LARGE1: variants seen among roughly 807,000 people sequenced by gnomAD.
The protein encoded by LARGE1 is LARGE xylosyl- and glucuronyltransferase 1.
A neutral mutation model predicts 87.6 loss-of-function variants in LARGE1; 43 were observed. The ratio of observed to expected loss-of-function variants is 0.49; its 90% CI spans 0.38 to 0.63. LARGE1 has a LOEUF of 0.63. LARGE1 is among the 30% of genes least tolerant of loss of function. LARGE1 has a pLI of 0.00. For missense variants in LARGE1, 802 were observed against 1,000.2 expected, an observed-to-expected ratio of 0.80 and a Z score of 2.67; for synonymous variants, 434 against 394.6, an observed-to-expected ratio of 1.10 and a Z score of -1.18.
intron 1 of LARGE1, among the ~76,000 whole-genome samples, chr22:33,884,724 C>T (rs1402205094): frequency 2.0e-5 from 3 of 152,222 alleles, no homozygotes; most frequent in Admixed American, 2.0e-4. Flanking sequence ...AAATCACCCT[C>T]TTAGTGGCAT....
At chr22:33,719,534 T>TA (rs397714782) in intron 2 of LARGE1, among the ~76,000 whole-genome samples, 37 of 145,968 alleles carry the variant, frequency 2.5e-4, no homozygotes, top group Admixed American at 7.6e-4. Flanking sequence ...TTTATTTATT[T>TA]TTTTGAGACA....
intron 2 of LARGE1, chr22:33,727,702 G>A (rs2083312659): frequency 6.6e-6 from 1 of 152,188 alleles, no homozygotes; most frequent in Non-Finnish European, 1.5e-5. Flanking sequence ...CAGAAAGTAA[G>A]ACCCAGAAGA....
chr22:33,067,340 G>A, the LARGE1 span, among the ~76,000 whole-genome samples: 1 of 151,970 alleles, frequency 6.6e-6, no homozygotes, highest in East Asian at 1.9e-4. Context: ...CGAGATAATG[G>A]CAAACATTTA....
rs111478303 is a variant in LARGE1, at chr22:33,368,402, C to T, written c.1131+13517G>A. ...TGCAAAAATTAGCCAGGCGTGGTGG[C>T]GGGCACCTGTAGTCCTAGCTACTTG... is the stretch of plus-strand genomic sequence containing the variant. On this transcript the variant is annotated intron_variant, in intron 9 of 14. Coordinates refer to ENST00000397394, the MANE Select transcript of LARGE1 (RefSeq NM_133642.5). Among the ~76,000 whole-genome samples, 57 of 151,884 alleles carry T rather than the reference C, an allele frequency of 3.8e-4. 1 individual carries two copies. Among genetic ancestry groups the T allele is most frequent in the South Asian group, 1.5e-3 (7 of 4,782 alleles).
At chr22:33,777,497 G>T (rs895377721) in intron 1 of LARGE1, among the ~76,000 whole-genome samples, 1 of 151,988 alleles carries the variant, frequency 6.6e-6, no homozygotes, top group African/African-American at 2.4e-5. Context: ...TTTTAAATTA[G>T]CCAGGTGTGG....
intron 9 of LARGE1, among the ~76,000 whole-genome samples, chr22:33,357,374 G>A (rs1940992723): frequency 6.6e-6 from 1 of 152,170 alleles, no homozygotes; most frequent in African/African-American, 2.4e-5. Flanking sequence ...GGAGAGGGGA[G>A]ATGGATGAGT....
chr22:33,067,854 C>T, the LARGE1 span, among the ~76,000 whole-genome samples: 1 of 152,030 alleles, frequency 6.6e-6, no homozygotes, highest in East Asian at 1.9e-4. Flanking sequence ...GTGGCGGGCA[C>T]CTGTGATCCC....
chr22:33,848,289 C>G (rs188634181), intron 1 of LARGE1, among the ~76,000 whole-genome samples: 153 of 152,284 alleles, frequency 1.0e-3, no homozygotes, highest in African/African-American at 3.5e-3. Flanking sequence ...GTCTTCCTCA[C>G]CAACAGGCTT....
chr22:33,375,717 C>A (rs773488547), intron 9 of LARGE1, among the ~76,000 whole-genome samples: 1 of 152,026 alleles, frequency 6.6e-6, no homozygotes, highest in Non-Finnish European at 1.5e-5. Context: ...TCTTATTAAC[C>A]TCAAGAAATT....
chr22:33,368,372 A>C (rs1376732674), intron 9 of LARGE1, among the ~76,000 whole-genome samples: 1 of 152,060 alleles, frequency 6.6e-6, no homozygotes, highest in Non-Finnish European at 1.5e-5. Flanking sequence ...CATCTCTACC[A>C]AAAATGCAAA....
chr22:33,887,805 A>G (rs1233055806), intron 1 of LARGE1, among the ~76,000 whole-genome samples: 4 of 152,212 alleles, frequency 2.6e-5, no homozygotes, highest in Non-Finnish European at 4.4e-5. Context: ...AGACTAGGAC[A>G]AGGTTCTCAT....
At chr22:33,529,614 C>T (rs2072096109) in intron 6 of LARGE1, among the ~76,000 whole-genome samples, 1 of 152,158 alleles carries the variant, frequency 6.6e-6, no homozygotes, top group African/African-American at 2.4e-5. Flanking sequence ...CCCATGCTGG[C>T]CATTATTTTC....
At chr22:33,391,839 G>A (rs554776632) in intron 7 of LARGE1, among the ~76,000 whole-genome samples, 1 of 142,988 alleles carries the variant, frequency 7.0e-6, no homozygotes, top group Admixed American at 7.5e-5. Flanking sequence ...GCGTGATCTC[G>A]GCTCACTGCA....
intron 1 of LARGE1, among the ~76,000 whole-genome samples, chr22:33,861,983 C>T (rs1450807408): frequency 6.6e-6 from 1 of 151,632 alleles, no homozygotes; most frequent in African/African-American, 2.4e-5. Flanking sequence ...CTCAGCCTCC[C>T]GAGTAGCTGG....
the LARGE1 span, among the ~76,000 whole-genome samples, chr22:33,104,945 T>TTTC: frequency 7.3e-6 from 1 of 137,564 alleles, no homozygotes; most frequent in Non-Finnish European, 1.6e-5. Context: ...CTTTCTTTCT[T>TTTC]TCTCTTTCTC....
chr22:33,446,850 G>A (rs180905044), intron 6 of LARGE1, among the ~76,000 whole-genome samples: 5 of 152,264 alleles, frequency 3.3e-5, no homozygotes, highest in African/African-American at 7.2e-5. Context: ...TGAGTGACAC[G>A]GCAGTGTTGA....
intron 1 of LARGE1, among the ~76,000 whole-genome samples, chr22:33,816,830 G>A (rs111256644): frequency 1.3e-5 from 2 of 152,092 alleles, no homozygotes; most frequent in Admixed American, 1.3e-4. Context: ...TTTTCACAAC[G>A]CAGTGTTCAT....
chr22:33,159,586 T>A (rs1468886644), downstream of LARGE1, among the ~76,000 whole-genome samples: 11 of 150,516 alleles, frequency 7.3e-5, no homozygotes, highest in Admixed American at 1.3e-4. Flanking sequence ...AATTTAAATT[T>A]TTTTTTTTTT....
chr22:33,729,985 CGT>C (rs764174820), intron 2 of LARGE1, among the ~76,000 whole-genome samples: 5 of 151,604 alleles, frequency 3.3e-5, no homozygotes, highest in South Asian at 2.1e-4. Flanking sequence ...TGTGTGCATG[CGT>C]GTGTGTGTGC....
Sources: gnomAD v4.1 joint callset for allele counts (sites outside exome capture counted in the v4.1 genomes callset) on GRCh38, gnomAD v4.1.1 for gene constraint, MANE v1.5 for transcripts, NCBI Gene and HGNC (gene_info 2026-07-23, HGNC 2026-07-21) for gene names.